SH3GL2: variants seen among roughly 807,000 people sequenced by gnomAD.
SH3GL2 encodes the protein SH3 domain containing GRB2 like 2, endophilin A1.
In SH3GL2, 24 loss-of-function variants were observed where a neutral mutation model predicts 46.0. The observed-to-expected ratio is 0.52, with a 90% CI of 0.38 to 0.73. SH3GL2 has a LOEUF of 0.73. Among genes scored for constraint, SH3GL2 ranks in the 30% least tolerant of loss-of-function variants. The probability of loss-of-function intolerance (pLI) is 0.00; values close to 1 mark genes in which losing one functional copy is unlikely to be tolerated. For missense variants in SH3GL2, 413 were observed against 424.2 expected, an observed-to-expected ratio of 0.97 and a Z score of 0.23; for synonymous variants, 196 against 147.1, an observed-to-expected ratio of 1.33 and a Z score of -2.40.
At chr9:17,633,173 T>G (rs1819471670) in intron 1 of SH3GL2, among the ~76,000 whole-genome samples, 1 of 152,178 alleles carries the variant, frequency 6.6e-6, no homozygotes, top group South Asian at 2.1e-4. Flanking sequence ...GGAGGGGAAC[T>G]GGGCAATCTG....
intron 1 of SH3GL2, among the ~76,000 whole-genome samples, chr9:17,637,108 G>T (rs1055126906): frequency 9.2e-5 from 14 of 152,222 alleles, no homozygotes; most frequent in African/African-American, 2.9e-4. Flanking sequence ...TGAAGTTGTT[G>T]AGTGGAGTTT....
At chr9:17,647,617 C>T (rs1389759271) in intron 1 of SH3GL2, among the ~76,000 whole-genome samples, 7 of 152,090 alleles carry the variant, frequency 4.6e-5, no homozygotes, top group African/African-American at 1.4e-4. Context: ...TAAAGTAATA[C>T]TGTAAAACAC....
chr9:17,632,247 C>T (rs532125322), intron 1 of SH3GL2, among the ~76,000 whole-genome samples: 64 of 152,274 alleles, frequency 4.2e-4, no homozygotes, highest in Non-Finnish European at 2.9e-5. Context: ...GGTCTTTTGT[C>T]ATACAACAAC....
intron 1 of SH3GL2, among the ~76,000 whole-genome samples, chr9:17,584,742 A>G (rs1464611012): frequency 2.6e-5 from 4 of 152,168 alleles, no homozygotes; most frequent in African/African-American, 9.6e-5. Context: ...CATGTAAAAC[A>G]AAATGTTGTT....
Position 17,579,105 on chromosome 9 carries a change from C to G in SH3GL2, c.-138C>G, listed in dbSNP as rs1161983141. On this transcript the variant is annotated 5_prime_UTR_variant, in exon 1 of 9. Transcript: ENST00000380607. ...CCGCAAGAGCCCGTGTCCCGCTAGG[C>G]TCCGCGCCCTCGCGCCCATAGCCCC... 7.7e-6 allele frequency: 4 copies of G among 522,640 alleles called. No individual in the cohort carries two copies. The African/African-American group carries it at 8.2e-5, about 11-fold the overall frequency. The allele number at this position is 522,640 out of a possible 1,614,324, so 32.4% of individuals were successfully genotyped here.
rs78780933 is a variant in SH3GL2 at position 17,612,477 on chromosome 9, A to G, written c.45+33190A>G. Among the ~76,000 whole-genome samples the G allele has an allele frequency of 5.2e-3, 790 of 152,312 alleles. 13 individuals are homozygous for G. Among genetic ancestry groups the G allele is most frequent in the African/African-American group, 0.018 (752 of 41,550 alleles). On this transcript the variant is annotated intron_variant, in intron 1 of 8. Transcript: ENST00000380607. The stretch of plus-strand genomic sequence containing the variant: ...TAATCAAGGTTGTCAGGTGATTCTT[A>G]TGTACATTAAGTTTGCAAAATGCAG...
At chr9:17,735,123 T>A (rs914097726) in intron 1 of SH3GL2, among the ~76,000 whole-genome samples, 1 of 152,088 alleles carries the variant, frequency 6.6e-6, no homozygotes, top group Admixed American at 6.6e-5. Flanking sequence ...AGTCTTTTCT[T>A]TCTAAATATT....
chr9:17,773,611 AC>A (rs2131168476), intron 3 of SH3GL2, among the ~76,000 whole-genome samples: 1 of 152,174 alleles, frequency 6.6e-6, no homozygotes, highest in East Asian at 1.9e-4. Context: ...AAATCATTTG[AC>A]CGTGTATGCA....
intron 1 of SH3GL2, among the ~76,000 whole-genome samples, chr9:17,746,040 T>A (rs991680883): frequency 6.6e-6 from 1 of 152,182 alleles, no homozygotes; most frequent in African/African-American, 2.4e-5. Flanking sequence ...TGTATTTAAT[T>A]TGAATCATTA....
At chr9:17,774,036 G>T (rs925826742) in intron 3 of SH3GL2, among the ~76,000 whole-genome samples, 1 of 151,910 alleles carries the variant, frequency 6.6e-6, no homozygotes, top group African/African-American at 2.4e-5. Context: ...TAATTCCTGA[G>T]TATTTTATTC....
intron 2 of SH3GL2, among the ~76,000 whole-genome samples, chr9:17,749,469 C>T (rs1184505668): frequency 2.0e-5 from 3 of 152,116 alleles, no homozygotes; most frequent in Admixed American, 1.3e-4. Flanking sequence ...CCCTGGAGAG[C>T]ATTTATAGTT....
At position 17,579,178 on chromosome 9, in the gene SH3GL2, G is replaced by A. The variant is rs566435510; in HGVS notation, c.-65G>A. On this transcript the variant is annotated 5_prime_UTR_variant, in exon 1 of 9. Transcript: ENST00000380607. ...GCCAGGGGAGCGCGCCGCCCCGCTC[G>A]GCCCTCCAGTCCCCCTCCGCCTCCT... The A allele has an allele frequency of 1.6e-6, 2 of 1,245,934 alleles. No individual in the cohort carries two copies. Among genetic ancestry groups the A allele is most frequent in the African/African-American group, 1.6e-5 (1 of 63,686 alleles). 77.2% of individuals were successfully genotyped at this position (1,245,934 alleles called of 1,614,324 possible). A position where few individuals can be genotyped will look rare whatever the true frequency, so the allele number is the denominator to read the frequency against.
At chr9:17,641,864 A>G (rs1312874489) in intron 1 of SH3GL2, among the ~76,000 whole-genome samples, 2 of 152,284 alleles carry the variant, frequency 1.3e-5, no homozygotes, top group African/African-American at 4.8e-5. Flanking sequence ...GGTTGGTTCC[A>G]AGTCTTTGCT....
chr9:17,739,809 CCCCATAGT>C (rs1291212318), intron 1 of SH3GL2, among the ~76,000 whole-genome samples: 1 of 152,058 alleles, frequency 6.6e-6, no homozygotes, highest in Non-Finnish European at 1.5e-5. Context: ...AAGTAATTTG[CCCCATAGT>C]CTATGGGAAT....
At chr9:17,720,376 G>A (rs891018449) in intron 1 of SH3GL2, among the ~76,000 whole-genome samples, 5 of 152,104 alleles carry the variant, frequency 3.3e-5, no homozygotes, top group East Asian at 1.9e-4. Context: ...GGCAGCCCCC[G>A]AACCAAAATA....
Position 17,726,188 on chromosome 9 carries a change from C to A in SH3GL2, c.46-20878C>A, listed in dbSNP as rs76386852. Among the ~76,000 whole-genome samples the A allele has an allele frequency of 3.6e-3, 547 of 152,254 alleles. 6 individuals carry two copies. The highest frequency in any genetic ancestry group is 0.011 in the African/African-American group (446 of 41,570). On this transcript the variant is annotated intron_variant, in intron 1 of 8. Coordinates refer to ENST00000380607, the MANE Select transcript of SH3GL2 (RefSeq NM_003026.5). Reference sequence around the variant, plus strand: ...GCACCAAGAGAGGATCTGCTAATCTCACACTGCTATTCCAGAAGACTCCCC... The same window carrying A: ...GCACCAAGAGAGGATCTGCTAATCTAACACTGCTATTCCAGAAGACTCCCC...
At chr9:17,777,426 G>C (rs1009841519) in intron 3 of SH3GL2, among the ~76,000 whole-genome samples, 1 of 152,078 alleles carries the variant, frequency 6.6e-6, no homozygotes, top group African/African-American at 2.4e-5. Flanking sequence ...AGTTTAAAAA[G>C]AAAGTATATG....
At chr9:17,646,527 C>G (rs1819822187) in intron 1 of SH3GL2, among the ~76,000 whole-genome samples, 1 of 152,052 alleles carries the variant, frequency 6.6e-6, no homozygotes, top group South Asian at 2.1e-4. Flanking sequence ...TACCTTTGGT[C>G]TTTGGTGTCA....
At chr9:17,656,077 CTGGCTTAGAT>C (rs1386599054) in intron 1 of SH3GL2, among the ~76,000 whole-genome samples, 1 of 152,140 alleles carries the variant, frequency 6.6e-6, no homozygotes, top group Admixed American at 6.6e-5. Context: ...GTCTCTTAGA[CTGGCTTAGAT>C]TGGCTTTCTA....
Sources: gnomAD v4.1 joint callset for allele counts (sites outside exome capture counted in the v4.1 genomes callset) on GRCh38, gnomAD v4.1.1 for gene constraint, MANE v1.5 for transcripts, NCBI Gene and HGNC (gene_info 2026-07-23, HGNC 2026-07-21) for gene names.